Variants in TTC13 observed in about 807,000 individuals in gnomAD.
TTC13 encodes tetratricopeptide repeat protein 13.
Under a neutral mutation model 120.0 loss-of-function variants are expected in TTC13, and 62 were observed. The ratio of observed to expected loss-of-function variants is 0.52; its 90% CI spans 0.42 to 0.64. The LOEUF (loss-of-function observed/expected upper bound fraction) is 0.64. Among genes scored for constraint, TTC13 ranks in the 30% least tolerant of loss-of-function variants. The pLI is 0.00. For synonymous variants in TTC13, 384 were observed against 393.5 expected (o/e 0.98, Z 0.28); for missense variants, 824 against 1,050.2 (o/e 0.78, Z 2.98).
chr1:230,961,204 C>T lies in TTC13; in HGVS notation c.366+5G>A. The stretch of plus-strand genomic sequence containing the variant: ...AAAAACAGAACACAGAGAGAAGATG[C>T]ATACCAGAATCTTCTCAGTGTTGAG... On this transcript the variant is annotated splice_donor_5th_base_variant and intron_variant, in intron 2 of 22. Transcript: ENST00000366661. 6.2e-7 allele frequency: 1 copy of T among 1,610,128 alleles called. No individual in the cohort carries two copies. Among genetic ancestry groups the T allele is most frequent in the Non-Finnish European group, 8.5e-7 (1 of 1,176,780 alleles).
At chr1:230,924,788 G>C (rs751548550) in intron 14 of TTC13, 53 bp downstream of exon 14, 3 of 1,604,930 alleles carry the variant, frequency 1.9e-6, no homozygotes, top group Admixed American at 1.7e-5. Flanking sequence ...ACAGACTGAC[G>C]TTATTTGACA....
Position 230,978,505 on chromosome 1 carries a change from A to G in TTC13, c.271+55T>C. On this transcript the variant is annotated intron_variant, in intron 1 of 22. Transcript: ENST00000366661. This position sits in a 1 kb window ranked among gnomAD's most constrained non-coding sequence, Gnocchi z 5.6. ...GACCCGTACCCCGGCCCGGGACCCC[A>G]GCCCCGCTGCCCCGCCGCCCCGGCC... 1.9e-6 allele frequency: 1 copy of G among 531,040 alleles called. No individual in the cohort carries two copies. The highest frequency in any genetic ancestry group is 2.8e-6 in the Non-Finnish European group (1 of 351,456). The allele number at this position is 531,040 out of a possible 1,614,324, so 32.9% of individuals were successfully genotyped here.
chr1:230,954,419 CA>C lies in TTC13; in HGVS notation c.443-17del. 6.3e-7 allele frequency: 1 copy of C among 1,589,584 alleles called. No homozygotes were observed. Among genetic ancestry groups the C allele is most frequent in the South Asian group, 1.1e-5 (1 of 88,308 alleles). ...TAAGCAATAGCTATGAAACAAAATA[CA>C]AAAATATTAAAGGAAAGAATAAAGT... On this transcript the variant is annotated splice_polypyrimidine_tract_variant and intron_variant, in intron 3 of 22. Coordinates refer to ENST00000366661, the MANE Select transcript of TTC13 (RefSeq NM_024525.5).
chr1:230,929,321 C>CTTTTTT (rs1673329142), intron 11 of TTC13, among the ~76,000 whole-genome samples: 2 of 40,598 alleles, frequency 4.9e-5, no homozygotes, highest in South Asian at 8.8e-4. Context: ...ACTTTGGCTA[C>CTTTTTT]ATTTTTTTTT....
intron 9 of TTC13, 105 bp from the exon 10 acceptor site, chr1:230,931,982 AT>A (rs1358957922): frequency 1.8e-6 from 2 of 1,108,478 alleles, no homozygotes; most frequent in African/African-American, 3.2e-5. Context: ...AGATACCTTG[AT>A]GGGAGTGTTC....
chr1:230,909,743 T>C (rs576623148), intron 20 of TTC13, among the ~76,000 whole-genome samples: 133 of 152,358 alleles, frequency 8.7e-4, no homozygotes, highest in Admixed American at 2.0e-3. Flanking sequence ...GTTTGGAGAT[T>C]TGGGCATGTG....
At chr1:230,913,345 A>C (rs1290302586) in intron 18 of TTC13, among the ~76,000 whole-genome samples, 1 of 152,216 alleles carries the variant, frequency 6.6e-6, no homozygotes, top group East Asian at 1.9e-4. Flanking sequence ...TGAGGAAGGA[A>C]GGAAGAAACG....
rs1678172299 is a variant in TTC13 at position 230,975,335 on chromosome 1, A to G, written c.271+3225T>C. On this transcript the variant is annotated intron_variant, in intron 1 of 22. Coordinates refer to ENST00000366661, the MANE Select transcript of TTC13 (RefSeq NM_024525.5). ...GCTGCAGTGAGCTATGACAGCACCAATGAACTACCTCCTGGGCAACAGAGC... is the reference window on the plus strand; with the variant it reads ...GCTGCAGTGAGCTATGACAGCACCAGTGAACTACCTCCTGGGCAACAGAGC... Among the ~76,000 whole-genome samples the G allele has an allele frequency of 3.3e-5, 5 of 152,150 alleles. No homozygotes were observed. In the South Asian group the frequency reaches 6.2e-4, roughly 19 times the overall value.
At chr1:230,937,585 A>T (rs1674178608) in intron 8 of TTC13, among the ~76,000 whole-genome samples, 1 of 152,212 alleles carries the variant, frequency 6.6e-6, no homozygotes, top group South Asian at 2.1e-4. Flanking sequence ...CTGAGGGGAG[A>T]GAGAGGTCTT....
At chr1:230,938,079 T>A (rs564883567) in intron 8 of TTC13, among the ~76,000 whole-genome samples, 1 of 152,364 alleles carries the variant, frequency 6.6e-6, no homozygotes, top group East Asian at 1.9e-4. Flanking sequence ...AATATATGTA[T>A]GTCAGATCCT....
Position 230,978,027 on chromosome 1 carries a change from T to C in TTC13, c.271+533A>G, listed in dbSNP as rs1678524296. Among the ~76,000 whole-genome samples, 1 of 152,226 alleles carries C rather than the reference T, an allele frequency of 6.6e-6. No homozygotes were observed. Among genetic ancestry groups the C allele is most frequent in the Non-Finnish European group, 1.5e-5 (1 of 68,030 alleles). On this transcript the variant is annotated intron_variant, in intron 1 of 22. Transcript: ENST00000366661. This position sits in a 1 kb window ranked among gnomAD's most constrained non-coding sequence, Gnocchi z 5.6. The stretch of plus-strand genomic sequence containing the variant: ...GAGCAGATAAGATGGGCTTGCTCTT[T>C]TTTTCCATTCCAGGGATCCAATTTT...
At chr1:230,971,103 T>C (rs971889676) in intron 1 of TTC13, among the ~76,000 whole-genome samples, 1 of 151,954 alleles carries the variant, frequency 6.6e-6, no homozygotes, top group Non-Finnish European at 1.5e-5. Context: ...GCCAGCACTT[T>C]GGGAGGCCGA....
intron 19 of TTC13, 107 bp downstream of exon 19, chr1:230,912,516 C>T: frequency 1.5e-6 from 2 of 1,317,542 alleles, no homozygotes; most frequent in African/African-American, 3.0e-5. Context: ...TCAATTCAAC[C>T]CAATTTCAAG....
At chr1:230,924,612 G>A (rs1672892548) in intron 14 of TTC13, among the ~76,000 whole-genome samples, 1 of 152,184 alleles carries the variant, frequency 6.6e-6, no homozygotes, top group Admixed American at 6.5e-5. Context: ...GATTACAGGC[G>A]TGAGCCACTG....
At position 230,943,849 on chromosome 1, in the gene TTC13, G is replaced by A. The variant is rs1205863145; in HGVS notation, c.629C>T (p.Thr210Ile). The A allele has an allele frequency of 3.1e-6, 5 of 1,612,094 alleles. No homozygotes were observed. Among genetic ancestry groups the A allele is most frequent in the Admixed American group, 3.3e-5 (2 of 59,924 alleles). ...LALFELSRVI[T>I]LEPDRPEVFE... ...TACCTCTGGACGATCTGGTTCCAAG[G>A]TAATTACTCGGCTCAGTTCGAACAG... The change falls in exon 6 of 23, where the codon ACC (threonine) becomes ATC (isoleucine). Residue 210 changes from threonine (T) to isoleucine (I), a missense_variant. Around this residue, in one of 4 missense-constraint regions of TTC13, gnomAD observed 430 missense variants for 626.8 expected, o/e 0.69. Transcript: ENST00000366661.
In TTC13 at chr1:230,928,980, T is replaced by A; in HGVS notation, c.1414A>T (p.Ile472Leu). The A allele has an allele frequency of 6.2e-7, 1 of 1,614,200 alleles. No individual in the cohort carries two copies. The highest frequency in any genetic ancestry group is 1.3e-5 in the African/African-American group (1 of 75,060). The change falls in exon 12 of 23, where the codon ATA becomes TTA. Residue 472 changes from isoleucine (I) to leucine (L), a missense_variant. This residue lies in a region of TTC13 where 430 missense variants were observed against 626.8 expected (regional missense o/e 0.69). Transcript: ENST00000366661. Reference sequence around the variant, plus strand: ...CCTGGCTGCTCTTCGTAGTCTTCTATGAGGAAAGGCAAATTTTTAGCCCAG... The same window carrying A: ...CCTGGCTGCTCTTCGTAGTCTTCTAAGAGGAAAGGCAAATTTTTAGCCCAG... Reference protein sequence around the residue: ...DHWAKNLPFLIEDYEEQPGLQ... With the variant: ...DHWAKNLPFLLEDYEEQPGLQ...
At chr1:230,945,277 G>A in intron 5 of TTC13, 112 bp downstream of exon 5, 1 of 953,400 alleles carries the variant, frequency 1.0e-6, no homozygotes, top group Non-Finnish European at 1.7e-6. Flanking sequence ...TGGAATGATA[G>A]ATACCACTCC....
intron 5 of TTC13, 28 bp from the exon 6 acceptor site, chr1:230,943,926 A>T: frequency 1.3e-6 from 2 of 1,511,918 alleles, no homozygotes; most frequent in Non-Finnish European, 1.8e-6. Flanking sequence ...TTAGTATGAG[A>T]CATACTGTTA....
intron 15 of TTC13, among the ~76,000 whole-genome samples, chr1:230,923,280 A>G (rs2102798696): frequency 6.6e-6 from 1 of 152,296 alleles, no homozygotes; most frequent in East Asian, 1.9e-4. Context: ...TGAAGAAGTG[A>G]GCATTTCACC....
Sources: gnomAD v4.1 joint callset for allele counts (sites outside exome capture counted in the v4.1 genomes callset) on GRCh38, gnomAD v4.1.1 for gene constraint, gnomAD v4.1.1 regional missense constraint, Gnocchi (gnomAD v3.1) non-coding constraint, MANE v1.5 for transcripts, NCBI Gene and HGNC (gene_info 2026-07-23, HGNC 2026-07-21) for gene names.